LOXL3: variants seen among roughly 807,000 people sequenced by gnomAD.
LOXL3 encodes lysyl oxidase homolog 3.
A neutral mutation model predicts 91.8 loss-of-function variants in LOXL3; 60 were observed. That is an observed-to-expected ratio of 0.65 (90% CI 0.53 to 0.81). The LOEUF (loss-of-function observed/expected upper bound fraction) is 0.81, where lower values mean the gene tolerates loss of function less well. Ranked by LOEUF, LOXL3 falls within the 30% of genes least tolerant of loss-of-function variation. The pLI, the probability that LOXL3 is intolerant of heterozygous loss-of-function variation, is 0.00. For missense variants in LOXL3, 874 were observed against 1,000.4 expected, an observed-to-expected ratio of 0.87 and a Z score of 1.70; for synonymous variants, 355 against 387.6, an observed-to-expected ratio of 0.92 and a Z score of 0.99.
At chr2:74,534,858 A>C in intron 9 of LOXL3, 84 bp from the exon 10 acceptor site, 1 of 1,462,856 alleles carries the variant, frequency 6.8e-7, no homozygotes, top group Admixed American at 2.1e-5. Flanking sequence ...AGTGTGTAAG[A>C]CTAGTTTTTT....
intron 4 of LOXL3, among the ~76,000 whole-genome samples, chr2:74,538,788 A>AGGTATGG: frequency 6.6e-6 from 1 of 152,180 alleles, no homozygotes; most frequent in Admixed American, 6.5e-5. Context: ...CTTACAGGAG[A>AGGTATGG]CGCAAGTATG....
chr2:74,553,034 G>GACAGAAAGACAAAACC (rs1677124141), intron 1 of LOXL3: 1 of 198,968 alleles, frequency 5.0e-6, no homozygotes, highest in Non-Finnish European at 1.0e-5. Flanking sequence ...AGACACAGAG[G>GACAGAAAGACAAAACC]AGAGAGACAA....
chr2:74,555,345 C>T (rs776401704), upstream of LOXL3: 11 of 1,613,770 alleles, frequency 6.8e-6, no homozygotes, highest in Non-Finnish European at 2.5e-6. The surrounding 1 kb of genome is among the most constrained non-coding windows in gnomAD (Gnocchi z 6.1). Context: ...CCCCTGAGCC[C>T]GGCGCCACTG....
Position 74,536,984 on chromosome 2 carries a change from C to T in LOXL3, c.693-56G>A, listed in dbSNP as rs1294537451. The T allele has an allele frequency of 1.4e-6, 2 of 1,436,692 alleles. No individual in the cohort carries two copies. Among genetic ancestry groups the T allele is most frequent in the Non-Finnish European group, 1.9e-6 (2 of 1,032,408 alleles). 89.0% of individuals were successfully genotyped at this position (1,436,692 alleles called of 1,614,324 possible). The stretch of plus-strand genomic sequence containing the variant: ...TAAAACAATGCTCCTGCCTCTTGGC[C>T]CCACAAACATCCTCCCACTTCATGC... On this transcript the variant is annotated intron_variant, in intron 4 of 13. Coordinates refer to ENST00000264094, the MANE Select transcript of LOXL3 (RefSeq NM_032603.5). The surrounding 1 kb of genome is among the most constrained non-coding windows in gnomAD (Gnocchi z 4.5).
At chr2:74,547,285 C>T (rs571361830) in intron 4 of LOXL3, among the ~76,000 whole-genome samples, 2 of 152,294 alleles carry the variant, frequency 1.3e-5, no homozygotes, top group South Asian at 4.1e-4. Flanking sequence ...TCCCAAAGTC[C>T]TGGGATTATA....
Position 74,536,331 on chromosome 2 carries a change from C to G in LOXL3, c.1053G>C (p.Gly351=). The G allele has an allele frequency of 6.2e-7, 1 of 1,614,106 alleles. No homozygotes were observed. Among genetic ancestry groups the G allele is most frequent in the South Asian group, 1.1e-5 (1 of 91,082 alleles). The change falls in exon 6 of 14, where the codon GGG becomes GGC. Residue 351 remains glycine (G), a synonymous_variant. Transcript: ENST00000264094. This position sits in a 1 kb window ranked among gnomAD's most constrained non-coding sequence, Gnocchi z 4.5. Reference sequence around the variant, plus strand: ...CGCCACTCAGAGCTTCTCGAGCACTCCCGAAGCCCAGCTCCCGACACACCA... The same window carrying G: ...CGCCACTCAGAGCTTCTCGAGCACTGCCGAAGCCCAGCTCCCGACACACCA... ...ASVVCRELGF[G]SAREALSGAR... is the part of the protein sequence containing the mutation.
chr2:74,542,185 C>A (rs1676362792), intron 4 of LOXL3, among the ~76,000 whole-genome samples: 1 of 152,000 alleles, frequency 6.6e-6, no homozygotes, highest in Non-Finnish European at 1.5e-5. Context: ...TCCAGCTACT[C>A]AGGAGGCTGA....
intron 4 of LOXL3, among the ~76,000 whole-genome samples, chr2:74,547,307 C>T (rs950765531): frequency 2.0e-5 from 3 of 152,158 alleles, no homozygotes; most frequent in Admixed American, 1.3e-4. Flanking sequence ...GCATGAGCCA[C>T]GGGTAGTGTC....
At chr2:74,548,708 G>T (rs1439218674) in intron 4 of LOXL3, among the ~76,000 whole-genome samples, 3 of 152,156 alleles carry the variant, frequency 2.0e-5, no homozygotes, top group African/African-American at 7.2e-5. Context: ...TTAAGCACAG[G>T]CAGTTTCCAG....
intron 1 of LOXL3, chr2:74,553,037 A>G (rs1677124418): frequency 5.1e-6 from 1 of 196,108 alleles, no homozygotes; most frequent in Non-Finnish European, 1.0e-5. Context: ...CACAGAGGAG[A>G]GAGACAACGG....
At chr2:74,555,095 C>G, upstream of LOXL3, 1 of 1,547,770 alleles carries the variant, frequency 6.5e-7, no homozygotes. This position sits in a 1 kb window ranked among gnomAD's most constrained non-coding sequence, Gnocchi z 6.1. Flanking sequence ...CCTTCCCCGT[C>G]GGGACCCGGG....
upstream of LOXL3, chr2:74,555,484 C>A (rs977939927): frequency 6.2e-7 from 1 of 1,608,626 alleles, no homozygotes; most frequent in African/African-American, 1.3e-5. The surrounding 1 kb of genome is among the most constrained non-coding windows in gnomAD (Gnocchi z 6.1). Context: ...GGGGTGGGGG[C>A]AGTTACAGAG....
chr2:74,533,502 G>T lies in LOXL3; in HGVS notation c.*104C>A. On this transcript the variant is annotated 3_prime_UTR_variant, in exon 14 of 14. Coordinates refer to ENST00000264094, the MANE Select transcript of LOXL3 (RefSeq NM_032603.5). Reference sequence around the variant, plus strand: ...CCACATCCATAGTGCATGGTCTGATGAGTGCGGTTGCTGACATGGGTTTCT... The same window carrying T: ...CCACATCCATAGTGCATGGTCTGATTAGTGCGGTTGCTGACATGGGTTTCT... The T allele has an allele frequency of 1.1e-6, 1 of 950,098 alleles. No homozygotes were observed. The highest frequency in any genetic ancestry group is 1.7e-6 in the Non-Finnish European group (1 of 601,274). The allele number at this position is 950,098 out of a possible 1,614,324, so 58.9% of individuals were successfully genotyped here.
At position 74,536,502 on chromosome 2, in the gene LOXL3, A is replaced by C. The variant is rs761729236; in HGVS notation, c.913-31T>G. The C allele has an allele frequency of 1.4e-5, 23 of 1,597,506 alleles. No individual in the cohort carries two copies. In the South Asian group the frequency reaches 2.6e-4, roughly 18 times the overall value. ...GAAGAGAGAAGTGCCCAACAGAGGC[A>C]AATGGCAACATCTGCACGGAGGGCT... On this transcript the variant is annotated intron_variant, in intron 5 of 13. Transcript: ENST00000264094. The surrounding 1 kb of genome is among the most constrained non-coding windows in gnomAD (Gnocchi z 4.5).
chr2:74,545,962 TCC>T (rs1475968477), intron 4 of LOXL3, among the ~76,000 whole-genome samples: 1 of 152,148 alleles, frequency 6.6e-6, no homozygotes, highest in Non-Finnish European at 1.5e-5. Flanking sequence ...AAAACCAAGT[TCC>T]TACCCTCCAC....
At position 74,535,916 on chromosome 2, in the gene LOXL3, G is replaced by A; in HGVS notation, c.1248+80C>T. ...GGCAGGGGCCTGGGGCAATGGGCTGGGGGCCATTGGACTGTAGATTGGAGA... is the reference window on the plus strand; with the variant it reads ...GGCAGGGGCCTGGGGCAATGGGCTGAGGGCCATTGGACTGTAGATTGGAGA... On this transcript the variant is annotated intron_variant, in intron 7 of 13. Transcript: ENST00000264094. The surrounding 1 kb of genome is among the most constrained non-coding windows in gnomAD (Gnocchi z 4.2). The A allele has an allele frequency of 6.7e-7, 1 of 1,495,922 alleles. No homozygotes were observed. Among genetic ancestry groups the A allele is most frequent in the Non-Finnish European group, 8.9e-7 (1 of 1,123,372 alleles). 92.7% of individuals were successfully genotyped at this position (1,495,922 alleles called of 1,614,324 possible). A position where few individuals can be genotyped will look rare whatever the true frequency, so the allele number is the denominator to read the frequency against.
chr2:74,554,646 G>T, upstream of LOXL3: 1 of 1,089,688 alleles, frequency 9.2e-7, no homozygotes, highest in Non-Finnish European at 1.3e-6. This position sits in a 1 kb window ranked among gnomAD's most constrained non-coding sequence, Gnocchi z 4.9. Flanking sequence ...CCCAGCGGCT[G>T]CCGGCGGGGG....
At chr2:74,552,849 G>A in intron 1 of LOXL3, 1 of 550,358 alleles carries the variant, frequency 1.8e-6, no homozygotes, top group Admixed American at 3.5e-5. Context: ...AGGTCATAGA[G>A]GCACAGCCTG....
At chr2:74,553,132 G>A (rs888326087) in intron 1 of LOXL3, 4 of 155,584 alleles carry the variant, frequency 2.6e-5, no homozygotes, top group Non-Finnish European at 4.3e-5. Flanking sequence ...ATTGACAAGA[G>A]CCAAGGGGCG....
Sources: gnomAD v4.1 joint callset for allele counts (sites outside exome capture counted in the v4.1 genomes callset) on GRCh38, gnomAD v4.1.1 for gene constraint, Gnocchi (gnomAD v3.1) non-coding constraint, MANE v1.5 for transcripts, NCBI Gene and HGNC (gene_info 2026-07-23, HGNC 2026-07-21) for gene names.